The following CLIC2 variants were observed in gnomAD, a reference collection of about 807,000 sequenced individuals.
The protein encoded by CLIC2 is chloride intracellular channel protein 2.
CLIC2 carries 9 observed loss-of-function variants against 14.8 expected under a neutral mutation model. That is an observed-to-expected ratio of 0.61 (90% confidence interval 0.37 to 1.06). The LOEUF is 1.06. Among genes scored for constraint, CLIC2 ranks in the 50% least tolerant of loss-of-function variants. The probability of loss-of-function intolerance (pLI) is 0.01; values close to 1 mark genes in which losing one functional copy is unlikely to be tolerated. For synonymous variants in CLIC2, 61 were observed against 66.3 expected (o/e 0.92, Z 0.39); for missense variants, 148 against 181.4 (o/e 0.82, Z 1.06).
At chrX:155,281,972 C>T (rs782556975) in intron 3 of CLIC2, among the ~76,000 whole-genome samples, 45 of 110,895 alleles carry the variant, frequency 4.1e-4, no homozygotes, top group African/African-American at 1.4e-3. Flanking sequence ...AGTCTGCAGT[C>T]GTCTCATCTT....
intron 3 of CLIC2, among the ~76,000 whole-genome samples, chrX:155,288,210 T>C (rs1159236968): frequency 8.9e-6 from 1 of 111,831 alleles, no homozygotes; most frequent in East Asian, 2.8e-4. Flanking sequence ...AATGCACTTA[T>C]AAAATGTCCA....
At chrX:155,292,752 A>G (rs2074978244) in intron 3 of CLIC2, 1 of 456,320 alleles carries the variant, frequency 2.2e-6, no homozygotes, top group Non-Finnish European at 3.7e-6. Context: ...CCTGGGCGAC[A>G]GAGCGAGACT....
At chrX:155,303,558 T>A (rs1557319476) in intron 1 of CLIC2, among the ~76,000 whole-genome samples, 211 of 72,510 alleles carry the variant, frequency 2.9e-3, no homozygotes, top group East Asian at 7.8e-3. Context: ...TGTCTTTTAA[T>A]TGGAGCATTT....
intron 1 of CLIC2, among the ~76,000 whole-genome samples, chrX:155,303,991 T>A (rs1274830566): frequency 3.8e-5 from 4 of 106,446 alleles, no homozygotes; most frequent in African/African-American, 1.4e-4. Flanking sequence ...TAACCCGACC[T>A]TTCTCTCTGG....
At chrX:155,310,234 TTG>T (rs2075069152) in intron 1 of CLIC2, 1 of 127,007 alleles carries the variant, frequency 7.9e-6, no homozygotes, top group Non-Finnish European at 1.6e-5. Context: ...TGGGTTCCCA[TTG>T]TCTTGGGTTT....
chrX:155,306,490 T>G (rs1557320046), intron 1 of CLIC2, among the ~76,000 whole-genome samples: 1 of 111,923 alleles, frequency 8.9e-6, no homozygotes, highest in Non-Finnish European at 1.9e-5. Context: ...GCTCAGATTT[T>G]TTTTATAGTA....
At chrX:155,325,791 TA>T (rs1344087705) in intron 1 of CLIC2, among the ~76,000 whole-genome samples, 1 of 86,780 alleles carries the variant, frequency 1.2e-5, no homozygotes, top group Non-Finnish European at 2.2e-5. Flanking sequence ...TATATATATA[TA>T]TATATATATA....
chrX:155,286,693 AT>A (rs1158041419), intron 3 of CLIC2, among the ~76,000 whole-genome samples: 1 of 112,119 alleles, frequency 8.9e-6, no homozygotes, highest in East Asian at 2.8e-4. Context: ...CTTGTGTGAG[AT>A]GGTATATCAT....
At chrX:155,319,244 A>G (rs1433099875) in intron 1 of CLIC2, among the ~76,000 whole-genome samples, 1 of 112,111 alleles carries the variant, frequency 8.9e-6, no homozygotes, top group Admixed American at 9.4e-5. Context: ...TCTGTATAGC[A>G]AAAGAAATAA....
intron 1 of CLIC2, among the ~76,000 whole-genome samples, chrX:155,320,416 T>C (rs1313225619): frequency 7.2e-5 from 8 of 111,763 alleles, no homozygotes; most frequent in African/African-American, 1.6e-4. Flanking sequence ...CCCAGGCAAA[T>C]AGGTCGGGAG....
chrX:155,316,165 T>C, intron 1 of CLIC2, among the ~76,000 whole-genome samples: 1 of 111,341 alleles, frequency 9.0e-6, no homozygotes, highest in Admixed American at 9.5e-5. Context: ...ACAATAATAG[T>C]GGGGGACTTT....
intron 1 of CLIC2, among the ~76,000 whole-genome samples, chrX:155,321,355 T>C (rs1452680429): frequency 8.9e-6 from 1 of 112,037 alleles, no homozygotes; most frequent in African/African-American, 3.2e-5. Context: ...ATCAGACTAA[T>C]AGCAGATCTC....
At chrX:155,282,853 C>T (rs1602927234) in intron 3 of CLIC2, among the ~76,000 whole-genome samples, 1 of 111,266 alleles carries the variant, frequency 9.0e-6, no homozygotes, top group Admixed American at 9.5e-5. Flanking sequence ...CGTTGACACC[C>T]ATGGACCTCA....
intron 1 of CLIC2, among the ~76,000 whole-genome samples, chrX:155,305,434 C>T (rs1038151739): frequency 6.7e-4 from 75 of 112,463 alleles, no homozygotes; most frequent in African/African-American, 2.1e-3. Context: ...TGCTTCGGCT[C>T]GCGCACGGTG....
intron 5 of CLIC2, chrX:155,278,864 G>T (rs2074908225): frequency 1.2e-5 from 3 of 255,661 alleles, no homozygotes; most frequent in Non-Finnish European, 1.4e-5. Context: ...AGCCTCAGAG[G>T]TGGGGGTTGC....
chrX:155,289,972 A>G (rs1282556745), intron 3 of CLIC2, among the ~76,000 whole-genome samples: 1 of 112,179 alleles, frequency 8.9e-6, no homozygotes, highest in African/African-American at 3.2e-5. Flanking sequence ...GGTCTTTAAC[A>G]TATTCATTAA....
At chrX:155,295,279 T>C (rs1423285526) in intron 3 of CLIC2, among the ~76,000 whole-genome samples, 1 of 111,503 alleles carries the variant, frequency 9.0e-6, no homozygotes, top group Non-Finnish European at 1.9e-5. Flanking sequence ...TATCATCATC[T>C]CAATAGATAC....
chrX:155,307,592 T>C (rs1190653817), intron 1 of CLIC2, among the ~76,000 whole-genome samples: 10 of 112,116 alleles, frequency 8.9e-5, no homozygotes, highest in Admixed American at 6.6e-4. Context: ...ACTTTAAAAA[T>C]GGGCAAGAGA....
At chrX:155,315,552 C>A (rs1294910496) in intron 1 of CLIC2, among the ~76,000 whole-genome samples, 1 of 111,552 alleles carries the variant, frequency 9.0e-6, no homozygotes, top group Non-Finnish European at 1.9e-5. Context: ...TACAGACAAA[C>A]AAATGCTGGG....
Sources: gnomAD v4.1 joint callset for allele counts (sites outside exome capture counted in the v4.1 genomes callset) on GRCh38, gnomAD v4.1.1 for gene constraint, MANE v1.5 for transcripts, NCBI Gene and HGNC (gene_info 2026-07-23, HGNC 2026-07-21) for gene names.